OSTF1: variants seen among roughly 807,000 people sequenced by gnomAD.
The protein encoded by OSTF1 is osteoclast-stimulating factor 1.
OSTF1 carries 27 observed loss-of-function variants against 37.2 expected under a neutral mutation model. The ratio of observed to expected loss-of-function variants is 0.73; its 90% CI spans 0.54 to 1.00. OSTF1 has a LOEUF of 1.00. OSTF1 is among the 50% of genes least tolerant of loss of function. The pLI is 0.00. For synonymous variants in OSTF1, 82 were observed against 89.2 expected, an observed-to-expected ratio of 0.92 and a Z score of 0.46; for missense variants, 232 against 253.8, an observed-to-expected ratio of 0.91 and a Z score of 0.58.
At chr9:75,118,381 T>C (rs1587456362) in intron 2 of OSTF1, among the ~76,000 whole-genome samples, 2 of 151,682 alleles carry the variant, frequency 1.3e-5, no homozygotes, top group Admixed American at 6.6e-5. Context: ...TGGGAGAGGG[T>C]AGTGGGAGAC....
chr9:75,109,096 T>C (rs1825340266), intron 1 of OSTF1, among the ~76,000 whole-genome samples: 1 of 149,488 alleles, frequency 6.7e-6, no homozygotes, highest in Non-Finnish European at 1.5e-5. Flanking sequence ...CACTGCAGCC[T>C]CCACCTGCTG....
At position 75,146,959 on chromosome 9, in the gene OSTF1, C is replaced by T; in HGVS notation, c.*218C>T. The T allele has an allele frequency of 1.3e-5, 4 of 298,402 alleles. No individual in the cohort carries two copies. The highest frequency in any genetic ancestry group is 2.4e-5 in the Non-Finnish European group (4 of 165,790). 18.5% of individuals were successfully genotyped at this position (298,402 alleles called of 1,614,324 possible). A position where few individuals can be genotyped will look rare whatever the true frequency, so the allele number is the denominator to read the frequency against. On this transcript the variant is annotated 3_prime_UTR_variant, in exon 10 of 10. Coordinates refer to ENST00000346234, the MANE Select transcript of OSTF1 (RefSeq NM_012383.5). ...CACATTTATGTTCACCAAAGTAGAA[C>T]AAGAAGATATTATTTCTATTTATCA... is the stretch of plus-strand genomic sequence containing the variant.
At chr9:75,141,345 A>AAAAAAAAAAAAAC (rs1825941633) in intron 9 of OSTF1, among the ~76,000 whole-genome samples, 1 of 145,764 alleles carries the variant, frequency 6.9e-6, no homozygotes, top group Admixed American at 6.8e-5. Context: ...AAAAAGATAA[A>AAAAAAAAAAAAAC]CTCTTCAGAT....
intron 1 of OSTF1, among the ~76,000 whole-genome samples, chr9:75,097,257 A>G (rs2118395516): frequency 6.6e-6 from 1 of 152,286 alleles, no homozygotes; most frequent in East Asian, 1.9e-4. Flanking sequence ...GGCCTATCCG[A>G]AGCTGAAATG....
chr9:75,139,853 A>G (rs759795354), intron 8 of OSTF1, among the ~76,000 whole-genome samples: 1 of 152,252 alleles, frequency 6.6e-6, no homozygotes, highest in Non-Finnish European at 1.5e-5. Flanking sequence ...TCAGAATTTA[A>G]AATGGACTTA....
chr9:75,118,453 G>T (rs923854204), intron 2 of OSTF1, among the ~76,000 whole-genome samples: 7 of 152,114 alleles, frequency 4.6e-5, no homozygotes, highest in Admixed American at 1.3e-4. Context: ...GATCTCATTT[G>T]GATTTTGCTC....
intron 1 of OSTF1, among the ~76,000 whole-genome samples, chr9:75,108,374 C>CT (rs527619211): frequency 8.7e-5 from 13 of 148,740 alleles, no homozygotes; most frequent in Admixed American, 1.3e-4. Flanking sequence ...ACCAGGGTAA[C>CT]TTTTTTTTTT....
chr9:75,129,125 C>A lies in OSTF1; in HGVS notation c.133-1453C>A, dbSNP rs1825723244. Among the ~76,000 whole-genome samples, 3 of 152,142 alleles carry A rather than the reference C, an allele frequency of 2.0e-5. No homozygotes were observed. In the South Asian group the frequency reaches 6.2e-4, roughly 32 times the overall value. Reference sequence around the variant, plus strand: ...GGGAACGAACTTGAAGAGACTCCCACTGGCCAAAGATAGGACAATTTGAGC... The same window carrying A: ...GGGAACGAACTTGAAGAGACTCCCAATGGCCAAAGATAGGACAATTTGAGC... On this transcript the variant is annotated intron_variant, in intron 3 of 9. Coordinates refer to ENST00000346234, the MANE Select transcript of OSTF1 (RefSeq NM_012383.5).
chr9:75,095,830 G>A (rs981236025), intron 1 of OSTF1, among the ~76,000 whole-genome samples: 1 of 151,972 alleles, frequency 6.6e-6, no homozygotes, highest in African/African-American at 2.4e-5. Context: ...TTAGGGCAAC[G>A]AGTTGAAGAG....
At chr9:75,111,173 A>G (rs1385115864) in intron 1 of OSTF1, among the ~76,000 whole-genome samples, 1 of 152,168 alleles carries the variant, frequency 6.6e-6, no homozygotes. Flanking sequence ...ATGAGCTGAC[A>G]CATACTCTGT....
chr9:75,125,107 T>C (rs1386137870), intron 2 of OSTF1, among the ~76,000 whole-genome samples: 1 of 152,164 alleles, frequency 6.6e-6, no homozygotes. Context: ...CCTGACACTC[T>C]TCTTCTTCCT....
chr9:75,125,662 C>T (rs915096229), intron 2 of OSTF1, among the ~76,000 whole-genome samples: 3 of 152,106 alleles, frequency 2.0e-5, no homozygotes, highest in African/African-American at 7.2e-5. Flanking sequence ...TCATCATTTG[C>T]TAATTTTTAT....
At chr9:75,131,501 G>A (rs1825760575) in intron 4 of OSTF1, among the ~76,000 whole-genome samples, 1 of 152,090 alleles carries the variant, frequency 6.6e-6, no homozygotes, top group African/African-American at 2.4e-5. Context: ...AGGTATGCGG[G>A]TTTGTTTGTT....
chr9:75,142,907 A>G (rs975294222), intron 9 of OSTF1, among the ~76,000 whole-genome samples: 2 of 151,624 alleles, frequency 1.3e-5, no homozygotes, highest in African/African-American at 4.8e-5. Context: ...CATGAACTCT[A>G]AGTTGGAAAA....
At chr9:75,110,026 T>A (rs1250428251) in intron 1 of OSTF1, among the ~76,000 whole-genome samples, 1 of 152,204 alleles carries the variant, frequency 6.6e-6, no homozygotes, top group East Asian at 1.9e-4. Context: ...CCTCACCAGA[T>A]ACAGCATTCT....
chr9:75,089,960 T>C (rs1005624173), intron 1 of OSTF1, among the ~76,000 whole-genome samples: 9 of 152,188 alleles, frequency 5.9e-5, no homozygotes, highest in Admixed American at 2.0e-4. Flanking sequence ...CTTGGTGGGC[T>C]GAGTGTGAAG....
chr9:75,104,960 T>C (rs1825258500), intron 1 of OSTF1, among the ~76,000 whole-genome samples: 1 of 152,182 alleles, frequency 6.6e-6, no homozygotes, highest in African/African-American at 2.4e-5. Context: ...TAATAGAACA[T>C]TTACATCACC....
intron 1 of OSTF1, among the ~76,000 whole-genome samples, chr9:75,105,994 G>C (rs940906396): frequency 9.9e-5 from 15 of 152,180 alleles, no homozygotes; most frequent in Non-Finnish European, 2.1e-4. Context: ...GCTCTTGTCA[G>C]AAAACACTCA....
intron 4 of OSTF1, 77 bp downstream of exon 4, chr9:75,130,718 A>G (rs1825749562): frequency 2.3e-6 from 2 of 879,306 alleles, no homozygotes; most frequent in African/African-American, 1.6e-5. Context: ...TCTGCTTGCT[A>G]CTGTGGCTGA....
Sources: gnomAD v4.1 joint callset for allele counts (sites outside exome capture counted in the v4.1 genomes callset) on GRCh38, gnomAD v4.1.1 for gene constraint, MANE v1.5 for transcripts, NCBI Gene and HGNC (gene_info 2026-07-23, HGNC 2026-07-21) for gene names.